The following EPB41L2 variants were observed in gnomAD, a reference collection of about 807,000 sequenced individuals.
EPB41L2 encodes the protein band 4.1-like protein 2.
A neutral mutation model predicts 113.0 loss-of-function variants in EPB41L2; 43 were observed. The ratio of observed to expected loss-of-function variants is 0.38; its 90% CI spans 0.30 to 0.49. EPB41L2 has a LOEUF of 0.49. EPB41L2 is among the 20% of genes least tolerant of loss of function. The pLI is 0.95. For missense variants in EPB41L2, 1,147 were observed against 1,223.4 expected (o/e 0.94, Z 0.93); for synonymous variants, 442 against 436.7 (o/e 1.01, Z -0.15).
chr6:130,894,520 G>A, intron 9 of EPB41L2, 79 bp from the exon 10 acceptor site: 1 of 1,245,156 alleles, frequency 8.0e-7, no homozygotes, highest in East Asian at 2.3e-5. Context: ...GCATTCAGAT[G>A]TTTCTGTGAG....
At chr6:130,936,351 G>C (rs1286120544) in intron 3 of EPB41L2, among the ~76,000 whole-genome samples, 1 of 152,154 alleles carries the variant, frequency 6.6e-6, no homozygotes, top group Non-Finnish European at 1.5e-5. Flanking sequence ...ACTGGTTATA[G>C]CCAATGTCTC....
chr6:130,911,104 A>G (rs1431373845), intron 4 of EPB41L2, among the ~76,000 whole-genome samples: 1 of 152,234 alleles, frequency 6.6e-6, no homozygotes, highest in Non-Finnish European at 1.5e-5. Context: ...TATTCACAAT[A>G]GCAATGACTT....
chr6:131,047,923 G>A (rs994838521), intron 1 of EPB41L2, among the ~76,000 whole-genome samples: 8 of 152,018 alleles, frequency 5.3e-5, no homozygotes, highest in Non-Finnish European at 5.9e-5. Flanking sequence ...GGTGGATCAC[G>A]AGGTCAGGAG....
chr6:130,924,832 C>A (rs1045486851), intron 4 of EPB41L2, among the ~76,000 whole-genome samples: 2 of 152,164 alleles, frequency 1.3e-5, no homozygotes, highest in East Asian at 3.8e-4. Context: ...GAGTGGAGAT[C>A]CTTATAGGTG....
chr6:130,952,764 C>T (rs9375784), intron 3 of EPB41L2, among the ~76,000 whole-genome samples: 8 of 151,104 alleles, frequency 5.3e-5, no homozygotes, highest in African/African-American at 1.7e-4. Context: ...GAGCCGAGAT[C>T]GTGCCACTGC....
At chr6:130,960,957 TA>T in intron 1 of EPB41L2, among the ~76,000 whole-genome samples, 2 of 152,338 alleles carry the variant, frequency 1.3e-5, no homozygotes, top group African/African-American at 4.8e-5. Flanking sequence ...AATAGGTATC[TA>T]TTAAGTACTT....
intron 12 of EPB41L2, chr6:130,883,108 G>A (rs1211140478): frequency 2.0e-5 from 3 of 152,722 alleles, no homozygotes; most frequent in Non-Finnish European, 4.4e-5. Flanking sequence ...CAGGCAATAG[G>A]TTTGGGGAAA....
rs1301768398 is a variant in EPB41L2 at position 130,956,137 on chromosome 6, G to T, written c.349C>A (p.Pro117Thr). 5 of 1,614,028 alleles carry T rather than the reference G, an allele frequency of 3.1e-6. No homozygotes were observed. Among genetic ancestry groups the T allele is most frequent in the East Asian group, 2.2e-5 (1 of 44,886 alleles). The change falls in exon 2 of 20, where the codon CCC becomes ACC. Residue 117 changes from proline to threonine, a missense_variant. By Grantham distance (38) the Pro-to-Thr change is conservative. Transcript: ENST00000337057. ...GCCTGTCTCTGTTCTTCTGGAAGGG[G>T]TTCCTCTTTATCTAAGACCTGTTCT... ...VEEQVLDKEE[P>T]LPEEQRQAKG...
chr6:130,865,601 A>T lies in EPB41L2; in HGVS notation c.2764T>A (p.Leu922Ile). 6.2e-7 allele frequency: 1 copy of T among 1,614,158 alleles called. No homozygotes were observed. Among genetic ancestry groups the T allele is most frequent in the Non-Finnish European group, 8.5e-7 (1 of 1,180,016 alleles). ...DGGAGGDSGT[L>I]LTAQTITSES... ...GATGTGATGGTTTGTGCGGTCAGTA[A>T]CGTGCCCGAATCACCACCAGCCCCG... Residue 922 changes from leucine (L) to isoleucine (I), a missense_variant, in exon 17 of 20, where the codon TTA becomes ATA. Coordinates refer to ENST00000337057, the MANE Select transcript of EPB41L2 (RefSeq NM_001431.4).
At chr6:130,875,899 T>C (rs2128458944) in intron 14 of EPB41L2, among the ~76,000 whole-genome samples, 1 of 150,744 alleles carries the variant, frequency 6.6e-6, no homozygotes, top group East Asian at 2.0e-4. Context: ...ACAGGAAAGT[T>C]GCTTGAACCC....
At chr6:130,999,140 C>A (rs1417324274) in intron 1 of EPB41L2, among the ~76,000 whole-genome samples, 3 of 152,132 alleles carry the variant, frequency 2.0e-5, no homozygotes, top group African/African-American at 7.2e-5. Flanking sequence ...ACTTCCCTGC[C>A]TACCCCAGCT....
At chr6:130,989,857 T>G (rs1007008416) in intron 1 of EPB41L2, among the ~76,000 whole-genome samples, 3 of 152,168 alleles carry the variant, frequency 2.0e-5, no homozygotes, top group Non-Finnish European at 4.4e-5. Flanking sequence ...CAAAGACATT[T>G]GGGAATTAAG....
intron 1 of EPB41L2, among the ~76,000 whole-genome samples, chr6:131,006,846 T>C (rs1785678589): frequency 6.6e-6 from 1 of 152,008 alleles, no homozygotes; most frequent in African/African-American, 2.4e-5. Context: ...TCCAGCTCAA[T>C]CCCTCTTCTC....
chr6:130,916,291 T>C (rs912153919), intron 4 of EPB41L2, among the ~76,000 whole-genome samples: 1 of 152,214 alleles, frequency 6.6e-6, no homozygotes, highest in Non-Finnish European at 1.5e-5. Context: ...CTCCTTAATC[T>C]TACTCTTTAT....
intron 1 of EPB41L2, among the ~76,000 whole-genome samples, chr6:131,055,340 T>C (rs571738614): frequency 6.6e-6 from 1 of 152,358 alleles, no homozygotes; most frequent in African/African-American, 2.4e-5. Flanking sequence ...TTTTATCCTC[T>C]GGTATATTTT....
intron 1 of EPB41L2, among the ~76,000 whole-genome samples, chr6:131,025,088 T>C (rs1390507434): frequency 4.6e-5 from 7 of 152,114 alleles, no homozygotes; most frequent in African/African-American, 1.7e-4. Context: ...ATTGCTTTTA[T>C]ATAAATTATC....
At chr6:131,035,861 C>T (rs1397382933) in intron 1 of EPB41L2, among the ~76,000 whole-genome samples, 2 of 152,170 alleles carry the variant, frequency 1.3e-5, no homozygotes, top group African/African-American at 4.8e-5. Flanking sequence ...ATTATTACTA[C>T]AAGAGAAAGC....
intron 3 of EPB41L2, 48 bp from the exon 4 acceptor site, chr6:130,926,757 G>C (rs745970720): frequency 8.5e-6 from 10 of 1,172,564 alleles, no homozygotes; most frequent in South Asian, 2.7e-5. Flanking sequence ...AAGATTCCAA[G>C]ACTGCTATAA....
At chr6:131,054,210 G>T (rs1295786928) in intron 1 of EPB41L2, among the ~76,000 whole-genome samples, 1 of 152,218 alleles carries the variant, frequency 6.6e-6, no homozygotes, top group East Asian at 1.9e-4. Flanking sequence ...CACACAGTTT[G>T]TTCATCTCCT....
Sources: gnomAD v4.1 joint callset for allele counts (sites outside exome capture counted in the v4.1 genomes callset) on GRCh38, gnomAD v4.1.1 for gene constraint, MANE v1.5 for transcripts, NCBI Gene and HGNC (gene_info 2026-07-23, HGNC 2026-07-21) for gene names.